Variants in PLXND1 observed in about 807,000 individuals in gnomAD.
PLXND1 encodes plexin D1.
In PLXND1, 54 loss-of-function variants were observed where a neutral mutation model predicts 197.7. That is an observed-to-expected ratio of 0.27 (90% confidence interval 0.22 to 0.34). The LOEUF (loss-of-function observed/expected upper bound fraction) is 0.34, where lower values mean the gene tolerates loss of function less well. PLXND1 is among the 10% of genes least tolerant of loss of function. The pLI, the probability that PLXND1 is intolerant of heterozygous loss-of-function variation, is 1.00. For synonymous variants in PLXND1, 1,180 were observed against 1,161.2 expected (o/e 1.02, Z -0.33); for missense variants, 2,127 against 2,699.2 (o/e 0.79, Z 4.70).
chr3:129,570,062 G>A, intron 19 of PLXND1, 105 bp from the exon 20 acceptor site: 2 of 694,696 alleles, frequency 2.9e-6, no homozygotes, highest in African/African-American at 1.7e-5. Context: ...ACCTCTCTGA[G>A]CCTCAGGTGC....
chr3:129,605,292 C>T, intron 1 of PLXND1, 37 bp downstream of exon 1: 2 of 1,067,236 alleles, frequency 1.9e-6, no homozygotes, highest in Non-Finnish European at 2.4e-6. Flanking sequence ...CCCCCGCCGC[C>T]GCCGCCGCCG....
intron 9 of PLXND1, among the ~76,000 whole-genome samples, chr3:129,576,196 C>T (rs2085311879): frequency 6.6e-6 from 1 of 152,240 alleles, no homozygotes; most frequent in African/African-American, 2.4e-5. Context: ...TTCGAGCCTT[C>T]CCACCTCCCA....
Position 129,555,751 on chromosome 3 carries a change from C to T in PLXND1, c.*561G>A, listed in dbSNP as rs763808419. On this transcript the variant is annotated 3_prime_UTR_variant, in exon 36 of 36. Transcript: ENST00000324093. The stretch of plus-strand genomic sequence containing the variant: ...GCGCGGGCACTGCCCACTCTACCAA[C>T]AGCCGCCCAAGCAACAAAAATCTGA... The T allele has an allele frequency of 2.3e-5, 11 of 487,010 alleles. No individual in the cohort carries two copies. Among genetic ancestry groups the T allele is most frequent in the Non-Finnish European group, 3.6e-5 (10 of 279,542 alleles). 30.2% of individuals were successfully genotyped at this position (487,010 alleles called of 1,614,324 possible). A position where few individuals can be genotyped will look rare whatever the true frequency, so the allele number is the denominator to read the frequency against.
intron 1 of PLXND1, among the ~76,000 whole-genome samples, chr3:129,602,903 C>G (rs1224955078): frequency 2.0e-5 from 3 of 152,178 alleles, no homozygotes; most frequent in Non-Finnish European, 4.4e-5. Context: ...AACTGAGGCC[C>G]AGAGAGGTTA....
intron 8 of PLXND1, among the ~76,000 whole-genome samples, chr3:129,580,036 T>C (rs1349267845): frequency 1.3e-5 from 2 of 152,182 alleles, no homozygotes; most frequent in Non-Finnish European, 2.9e-5. Context: ...TACCAAATTC[T>C]ACTCCCAACA....
In PLXND1 at chr3:129,571,761, C is replaced by A; in HGVS notation, c.3161G>T (p.Arg1054Leu). 1.9e-6 allele frequency: 3 copies of A among 1,613,382 alleles called. No individual in the cohort carries two copies. Among genetic ancestry groups the A allele is most frequent in the Non-Finnish European group, 2.5e-6 (3 of 1,179,926 alleles). ...PVPVCVRFERRGCVHGNLTFW... is the reference protein window; with the variant it reads ...PVPVCVRFERLGCVHGNLTFW... ...GGTGAGGTTGCCGTGCACGCAGCCC[C>A]GACGCTCGAAGCGCACACACACAGG... The change falls in exon 16 of 36, where the codon CGG (arginine) becomes CTG (leucine). Residue 1054 changes from arginine (R) to leucine (L), a missense_variant. Arg to Leu is a moderately radical substitution (Grantham distance 102). Transcript: ENST00000324093.
rs747400698 is a variant in PLXND1 at position 129,606,367 on chromosome 3, G to A, written c.273C>T (p.Ala91=). Residue 91 remains alanine (A), a synonymous_variant, in exon 1 of 36, where the codon GCC becomes GCT. Transcript: ENST00000324093. ...CGGGCACCGGGCCCACGGCCGCCTC[G>A]GCCTCCAGGCTCAGGTTGGCGCCCG... is the stretch of plus-strand genomic sequence containing the variant. The part of the protein sequence containing the change: ...QLSGANLSLE[A]EAAVGPVPDS... 1.3e-6 allele frequency: 2 copies of A among 1,485,256 alleles called. No homozygotes were observed. The highest frequency in any genetic ancestry group is 8.9e-7 in the Non-Finnish European group (1 of 1,126,842). The allele number at this position is 1,485,256 out of a possible 1,614,324, so 92.0% of individuals were successfully genotyped here.
At chr3:129,589,226 G>A (rs973607495) in intron 2 of PLXND1, 125 bp downstream of exon 2, 16 of 749,246 alleles carry the variant, frequency 2.1e-5, no homozygotes, top group Non-Finnish European at 3.2e-5. Flanking sequence ...AGTGCTAGGC[G>A]AATGGGAGAA....
Position 129,565,543 on chromosome 3 carries a change from G to A in PLXND1, c.4323-5C>T. On this transcript the variant is annotated splice_region_variant and splice_polypyrimidine_tract_variant and intron_variant, in intron 24 of 35. Coordinates refer to ENST00000324093, the MANE Select transcript of PLXND1 (RefSeq NM_015103.3). ...AGCAGCGAGGCCAGGCTGCACCTGT[G>A]AGCGGGAGGCAGGTGTCAACTGCAC... 3.1e-6 allele frequency: 5 copies of A among 1,611,446 alleles called. No individual in the cohort carries two copies. Among genetic ancestry groups the A allele is most frequent in the South Asian group, 1.1e-5 (1 of 91,020 alleles).
At chr3:129,604,792 G>A (rs945827617) in intron 1 of PLXND1, among the ~76,000 whole-genome samples, 3 of 152,342 alleles carry the variant, frequency 2.0e-5, no homozygotes, top group African/African-American at 7.2e-5. Context: ...TGTCTGCCCT[G>A]TGCGTCTTCA....
In PLXND1 at chr3:129,563,223, T is replaced by C. The variant is rs767388917; in HGVS notation, c.4539A>G (p.Pro1513=). Residue 1513 remains proline (P), a synonymous_variant, in exon 26 of 36, where the codon CCA becomes CCG. Transcript: ENST00000324093. The stretch of plus-strand genomic sequence containing the variant: ...TGATGGCACACAGCAGCAGGAAGAA[T>C]GGCTCCCCCACCGTCTCCTGAGGGG... ...YSCLRETVGE[P]FFLLLCAIKQ... The C allele has an allele frequency of 1.1e-5, 18 of 1,611,744 alleles. No homozygotes were observed. The highest frequency in any genetic ancestry group is 3.3e-5 in the South Asian group (3 of 90,592).
intron 1 of PLXND1, among the ~76,000 whole-genome samples, chr3:129,592,694 C>T (rs1458025990): frequency 6.6e-6 from 1 of 152,144 alleles, no homozygotes; most frequent in African/African-American, 2.4e-5. Flanking sequence ...TTTCCCCCAG[C>T]GTTTTTTCCC....
chr3:129,570,991 T>C (rs1225837316), intron 18 of PLXND1, 49 bp downstream of exon 18: 2 of 1,613,082 alleles, frequency 1.2e-6, no homozygotes, highest in African/African-American at 2.7e-5. Flanking sequence ...GGCCCACAGC[T>C]GAGGCTGGCT....
chr3:129,589,328 C>G, intron 2 of PLXND1, 23 bp downstream of exon 2: 1 of 1,338,630 alleles, frequency 7.5e-7, no homozygotes, highest in Non-Finnish European at 1.0e-6. Context: ...CCACCCCCTC[C>G]CCACATCCCC....
At chr3:129,597,213 G>A (rs989704886) in intron 1 of PLXND1, among the ~76,000 whole-genome samples, 8 of 152,080 alleles carry the variant, frequency 5.3e-5, no homozygotes, top group Non-Finnish European at 7.4e-5. Flanking sequence ...GCGCAGGCCT[G>A]CGGGCTCCAG....
intron 1 of PLXND1, chr3:129,591,433 C>G (rs2085540059): frequency 6.6e-6 from 1 of 152,392 alleles, no homozygotes; most frequent in East Asian, 1.9e-4. Context: ...GAGTTCTAGG[C>G]TGTAGTGTGC....
Position 129,576,782 on chromosome 3 carries a change from C to T in PLXND1, c.2347-927G>A, listed in dbSNP as rs564010367. On this transcript the variant is annotated intron_variant, in intron 9 of 35. Coordinates refer to ENST00000324093, the MANE Select transcript of PLXND1 (RefSeq NM_015103.3). Reference sequence around the variant, plus strand: ...ATTGTGTACCTCAAGGGGCCGCACACGGTAGGGGCCTAATATGTGCTTGCT... The same window carrying T: ...ATTGTGTACCTCAAGGGGCCGCACATGGTAGGGGCCTAATATGTGCTTGCT... Among the ~76,000 whole-genome samples the T allele has an allele frequency of 9.2e-5, 14 of 152,266 alleles. No individual in the cohort carries two copies. In the South Asian group the frequency reaches 2.3e-3, roughly 25 times the overall value.
intron 5 of PLXND1, 120 bp from the exon 6 acceptor site, chr3:129,584,682 T>A: frequency 1.1e-6 from 1 of 945,284 alleles, no homozygotes; most frequent in Non-Finnish European, 1.6e-6. Context: ...GAAGGGGTAG[T>A]GGTGGCCAGG....
At chr3:129,597,204 C>T (rs1033920301) in intron 1 of PLXND1, among the ~76,000 whole-genome samples, 5 of 152,222 alleles carry the variant, frequency 3.3e-5, no homozygotes, top group Admixed American at 6.5e-5. Context: ...AAGCCTCCAG[C>T]GCAGGCCTGC....
Sources: gnomAD v4.1 joint callset for allele counts (sites outside exome capture counted in the v4.1 genomes callset) on GRCh38, gnomAD v4.1.1 for gene constraint, MANE v1.5 for transcripts, NCBI Gene and HGNC (gene_info 2026-07-23, HGNC 2026-07-21) for gene names.